Variants in EPB41L2 observed in about 807,000 individuals in gnomAD.
EPB41L2 encodes erythrocyte membrane protein band 4.1 like 2.
Under a neutral mutation model 113.0 loss-of-function variants are expected in EPB41L2, and 43 were observed. The ratio of observed to expected loss-of-function variants is 0.38; its 90% CI spans 0.30 to 0.49. The LOEUF is 0.49. EPB41L2 is among the 20% of genes least tolerant of loss of function. EPB41L2 has a pLI of 0.95. For synonymous variants in EPB41L2, 442 were observed against 436.7 expected (o/e 1.01, Z -0.15); for missense variants, 1,147 against 1,223.4 (o/e 0.94, Z 0.93).
At chr6:130,973,546 G>GC (rs145182996) in intron 1 of EPB41L2, among the ~76,000 whole-genome samples, 8,690 of 152,092 alleles carry the variant, frequency 0.057, 379 homozygotes, top group East Asian at 0.12. Flanking sequence ...AAATCTTGAG[G>GC]CCCCCAAGTC....
At chr6:130,888,012 T>C (rs943651956) in intron 11 of EPB41L2, among the ~76,000 whole-genome samples, 1 of 152,214 alleles carries the variant, frequency 6.6e-6, no homozygotes, top group Non-Finnish European at 1.5e-5. Flanking sequence ...TATGTAATCA[T>C]AAGAGGATTT....
At chr6:131,012,465 C>A (rs1054151361) in intron 1 of EPB41L2, among the ~76,000 whole-genome samples, 21 of 145,472 alleles carry the variant, frequency 1.4e-4, no homozygotes, top group Admixed American at 9.2e-4. Flanking sequence ...ATGTCCCCTA[C>A]GGAACATCAC....
At chr6:130,861,612 C>T (rs1562318898) in intron 18 of EPB41L2, among the ~76,000 whole-genome samples, 1 of 152,148 alleles carries the variant, frequency 6.6e-6, no homozygotes, top group Non-Finnish European at 1.5e-5. Context: ...TAGCTCACGA[C>T]TGTAATCCCA....
chr6:130,861,924 T>G (rs577306596), intron 18 of EPB41L2, among the ~76,000 whole-genome samples: 1 of 146,662 alleles, frequency 6.8e-6, no homozygotes, highest in African/African-American at 2.5e-5. Context: ...AAAGGCAAAA[T>G]CTCTGTTCTC....
chr6:130,844,525 C>T (rs1453371896), intron 19 of EPB41L2, among the ~76,000 whole-genome samples: 1 of 152,016 alleles, frequency 6.6e-6, no homozygotes, highest in Non-Finnish European at 1.5e-5. Context: ...AAGCTGGGAT[C>T]GTGCCACTGT....
intron 11 of EPB41L2, among the ~76,000 whole-genome samples, chr6:130,889,795 A>T (rs1792187594): frequency 1.3e-5 from 2 of 152,222 alleles, no homozygotes; most frequent in Non-Finnish European, 2.9e-5. Flanking sequence ...CATAAATGAG[A>T]ACTCTTAACA....
chr6:130,905,696 A>G (rs548462338), intron 5 of EPB41L2, among the ~76,000 whole-genome samples: 1 of 152,300 alleles, frequency 6.6e-6, no homozygotes, highest in African/African-American at 2.4e-5. Context: ...TTGGGATTAC[A>G]GGCATGAACC....
At chr6:130,958,448 T>A (rs1818208531) in intron 1 of EPB41L2, among the ~76,000 whole-genome samples, 1 of 125,002 alleles carries the variant, frequency 8.0e-6, no homozygotes, top group Non-Finnish European at 1.6e-5. Context: ...CAAGACCCTG[T>A]CTCAAAACAA....
rs115998114 is a variant in EPB41L2 at position 130,913,812 on chromosome 6, T to C, written c.811-4949A>G. Among the ~76,000 whole-genome samples the C allele has an allele frequency of 3.4e-3, 524 of 152,164 alleles. 1 individual carries two copies. The highest frequency in any genetic ancestry group is 0.012 in the African/African-American group (507 of 41,518). On this transcript the variant is annotated intron_variant, in intron 4 of 19. Transcript: ENST00000337057. ...AAACAAAACTTTTAAATAAATACAG[T>C]AAATAATAAAAATTAATTTCTTGGT...
intron 1 of EPB41L2, among the ~76,000 whole-genome samples, chr6:130,971,761 A>G (rs146396282): frequency 9.8e-5 from 15 of 152,370 alleles, no homozygotes; most frequent in African/African-American, 3.6e-4. Context: ...CAAAACTATG[A>G]ATAAGGGGAG....
intron 3 of EPB41L2, among the ~76,000 whole-genome samples, chr6:130,954,719 T>A (rs888971681): frequency 1.3e-5 from 2 of 152,230 alleles, no homozygotes; most frequent in African/African-American, 4.8e-5. Context: ...AATTAGATGT[T>A]AAGCCAGTAT....
chr6:130,945,963 T>C (rs1413776283), intron 3 of EPB41L2, among the ~76,000 whole-genome samples: 3 of 152,160 alleles, frequency 2.0e-5, no homozygotes, highest in Admixed American at 2.0e-4. Flanking sequence ...AAAAATTCTC[T>C]ACAATTTAAC....
Position 130,890,293 on chromosome 6 carries a change from C to T in EPB41L2, c.1660+1G>A. The T allele has an allele frequency of 6.2e-7, 1 of 1,603,390 alleles. No homozygotes were observed. The highest frequency in any genetic ancestry group is 8.5e-7 in the Non-Finnish European group (1 of 1,175,918). On this transcript the variant is annotated splice_donor_variant, in intron 11 of 19. Coordinates refer to ENST00000337057, the MANE Select transcript of EPB41L2 (RefSeq NM_001431.4). LOFTEE classifies it high-confidence loss of function. Reference sequence around the variant, plus strand: ...ATCAAAATTATCATAAATGTGTTTACCTCCATCTAGACTCCTGGAGACCCG... The same window carrying T: ...ATCAAAATTATCATAAATGTGTTTATCTCCATCTAGACTCCTGGAGACCCG...
intron 10 of EPB41L2, among the ~76,000 whole-genome samples, chr6:130,891,122 C>G (rs1199275237): frequency 6.6e-6 from 1 of 152,146 alleles, no homozygotes. Flanking sequence ...TCTCTTTGAT[C>G]AAAAGTTGAC....
At chr6:130,884,911 A>T (rs1790455505) in intron 12 of EPB41L2, among the ~76,000 whole-genome samples, 185 bp downstream of exon 12, 1 of 152,236 alleles carries the variant, frequency 6.6e-6, no homozygotes, top group African/African-American at 2.4e-5. Flanking sequence ...ACTTACATTG[A>T]AATATTCTGC....
chr6:130,908,781 A>G (rs766536080), intron 5 of EPB41L2, 40 bp downstream of exon 5: 7 of 1,486,316 alleles, frequency 4.7e-6, no homozygotes, highest in Middle Eastern at 3.8e-4. Flanking sequence ...ATAGATATCA[A>G]GACACCTTAA....
intron 4 of EPB41L2, among the ~76,000 whole-genome samples, chr6:130,918,796 G>T (rs79680172): frequency 0.023 from 3,523 of 152,204 alleles, 127 homozygotes; most frequent in African/African-American, 0.08. Flanking sequence ...CATAAGTACA[G>T]ATAATATTCG....
At chr6:130,845,658 G>A (rs1351583321) in intron 19 of EPB41L2, among the ~76,000 whole-genome samples, 1 of 152,196 alleles carries the variant, frequency 6.6e-6, no homozygotes, top group Non-Finnish European at 1.5e-5. Context: ...TCGGATTACA[G>A]GCGTGAGCCA....
At chr6:131,060,365 T>C (rs73625628) in intron 1 of EPB41L2, among the ~76,000 whole-genome samples, 1,585 of 152,366 alleles carry the variant, frequency 0.01, 38 homozygotes, top group African/African-American at 0.037. Context: ...TGTACAATAT[T>C]ACTAATTACA....
Sources: gnomAD v4.1 joint callset for allele counts (sites outside exome capture counted in the v4.1 genomes callset) on GRCh38, gnomAD v4.1.1 for gene constraint, MANE v1.5 for transcripts, NCBI Gene and HGNC (gene_info 2026-07-23, HGNC 2026-07-21) for gene names.